The following KCNH8 variants were observed in gnomAD, a reference collection of about 807,000 sequenced individuals.
KCNH8 encodes voltage-gated delayed rectifier potassium channel KCNH8.
In KCNH8, 70 loss-of-function variants were observed where a neutral mutation model predicts 103.6. That is an observed-to-expected ratio of 0.68 (90% CI 0.56 to 0.82). KCNH8 has a LOEUF of 0.82. KCNH8 is among the 40% of genes least tolerant of loss of function. The pLI, the probability that KCNH8 is intolerant of heterozygous loss-of-function variation, is 0.00. For synonymous variants in KCNH8, 498 were observed against 489.4 expected (o/e 1.02, Z -0.23); for missense variants, 1,217 against 1,329.9 (o/e 0.92, Z 1.32).
intron 11 of KCNH8, among the ~76,000 whole-genome samples, chr3:19,490,329 A>C (rs2068291521): frequency 6.6e-6 from 1 of 152,196 alleles, no homozygotes; most frequent in South Asian, 2.1e-4. Context: ...TCACATCTCC[A>C]AAAACCGAGC....
At chr3:19,358,957 GA>G (rs1402900821) in intron 5 of KCNH8, among the ~76,000 whole-genome samples, 1 of 151,506 alleles carries the variant, frequency 6.6e-6, no homozygotes, top group Non-Finnish European at 1.5e-5. Context: ...AATCCACAAG[GA>G]AAAGGAAAGG....
At chr3:19,478,496 T>C (rs538828292) in intron 11 of KCNH8, among the ~76,000 whole-genome samples, 4 of 152,260 alleles carry the variant, frequency 2.6e-5, no homozygotes, top group Admixed American at 6.5e-5. Context: ...TGGTATCTCA[T>C]TGTGGTTTTA....
intron 7 of KCNH8, among the ~76,000 whole-genome samples, chr3:19,431,858 A>G (rs2067127491): frequency 6.6e-6 from 1 of 151,876 alleles, no homozygotes; most frequent in Non-Finnish European, 1.5e-5. Flanking sequence ...CACCCTTATA[A>G]TTTCTGATTA....
chr3:19,325,305 T>G (rs2125306331), intron 3 of KCNH8, among the ~76,000 whole-genome samples: 1 of 152,132 alleles, frequency 6.6e-6, no homozygotes, highest in Middle Eastern at 3.4e-3. Context: ...GATTTCATGA[T>G]GAAGACACGA....
chr3:19,493,292 G>A (rs953157725), intron 11 of KCNH8, among the ~76,000 whole-genome samples: 1 of 152,096 alleles, frequency 6.6e-6, no homozygotes, highest in South Asian at 2.1e-4. Flanking sequence ...ATCTTACATG[G>A]TTAGGCTTTG....
At chr3:19,503,423 A>G (rs913194915) in intron 11 of KCNH8, among the ~76,000 whole-genome samples, 10 of 152,132 alleles carry the variant, frequency 6.6e-5, no homozygotes, top group African/African-American at 2.2e-4. Context: ...CCATCCCATT[A>G]CTGGATATAT....
chr3:19,328,847 A>G (rs1043730004), intron 3 of KCNH8, among the ~76,000 whole-genome samples: 1 of 152,188 alleles, frequency 6.6e-6, no homozygotes, highest in African/African-American at 2.4e-5. Context: ...TATGCTTGCT[A>G]TGGATACAAT....
intron 11 of KCNH8, among the ~76,000 whole-genome samples, chr3:19,500,594 G>C (rs1001032458): frequency 1.1e-4 from 16 of 152,142 alleles, no homozygotes; most frequent in East Asian, 1.9e-4. Context: ...TCAGACCATA[G>C]TGCAATCAAA....
intron 11 of KCNH8, among the ~76,000 whole-genome samples, chr3:19,468,576 A>C (rs1180033825): frequency 6.6e-6 from 1 of 152,222 alleles, no homozygotes; most frequent in East Asian, 1.9e-4. Context: ...TTTAAGCTGA[A>C]TAATAGGGGA....
chr3:19,531,901 T>A (rs1017148912), intron 15 of KCNH8, among the ~76,000 whole-genome samples: 1 of 152,208 alleles, frequency 6.6e-6, no homozygotes, highest in African/African-American at 2.4e-5. Flanking sequence ...TGGTTCACGA[T>A]AGTAAAATAA....
chr3:19,480,844 T>C (rs1297642671), intron 11 of KCNH8, among the ~76,000 whole-genome samples: 1 of 152,208 alleles, frequency 6.6e-6, no homozygotes, highest in Non-Finnish European at 1.5e-5. Context: ...AACAATTATC[T>C]TTCCAATTTA....
At chr3:19,336,306 T>G (rs1280464004) in intron 3 of KCNH8, among the ~76,000 whole-genome samples, 1 of 151,738 alleles carries the variant, frequency 6.6e-6, no homozygotes, top group African/African-American at 2.4e-5. Flanking sequence ...CTAATTTCTC[T>G]TAATATAAAA....
At chr3:19,165,264 C>T (rs1290352015) in intron 1 of KCNH8, among the ~76,000 whole-genome samples, 3 of 152,174 alleles carry the variant, frequency 2.0e-5, no homozygotes, top group Non-Finnish European at 2.9e-5. Flanking sequence ...ACAGCAATTA[C>T]TTTCACACGA....
chr3:19,281,496 C>G (rs1360268567), intron 3 of KCNH8, among the ~76,000 whole-genome samples, 167 bp downstream of exon 3: 1 of 152,052 alleles, frequency 6.6e-6, no homozygotes, highest in Non-Finnish European at 1.5e-5. Context: ...GACTCACATG[C>G]ATTTACATTC....
chr3:19,378,674 A>G (rs2066245667), intron 5 of KCNH8, among the ~76,000 whole-genome samples: 1 of 152,228 alleles, frequency 6.6e-6, no homozygotes, highest in South Asian at 2.1e-4. Context: ...AACTGCAGGT[A>G]CCACAATCTA....
intron 11 of KCNH8, among the ~76,000 whole-genome samples, chr3:19,459,738 A>G (rs1252703718): frequency 1.3e-5 from 2 of 152,084 alleles, no homozygotes; most frequent in East Asian, 3.9e-4. Flanking sequence ...CAGTTCTTAC[A>G]TTTAAGTCTT....
At chr3:19,234,228 G>A (rs960725736) in intron 1 of KCNH8, among the ~76,000 whole-genome samples, 1 of 152,216 alleles carries the variant, frequency 6.6e-6, no homozygotes, top group Non-Finnish European at 1.5e-5. Flanking sequence ...TTCACTTAGT[G>A]GATCCCGCAC....
intron 7 of KCNH8, among the ~76,000 whole-genome samples, chr3:19,422,172 A>C (rs2066960787): frequency 6.6e-6 from 1 of 152,062 alleles, no homozygotes. Flanking sequence ...TTGCTATATG[A>C]TACTGATGTC....
intron 1 of KCNH8, among the ~76,000 whole-genome samples, chr3:19,198,254 G>A (rs1042735877): frequency 3.3e-5 from 5 of 152,086 alleles, no homozygotes; most frequent in African/African-American, 1.2e-4. Flanking sequence ...TTTATGTATA[G>A]GGACAGGATG....
Sources: gnomAD v4.1 joint callset for allele counts (sites outside exome capture counted in the v4.1 genomes callset) on GRCh38, gnomAD v4.1.1 for gene constraint, MANE v1.5 for transcripts, NCBI Gene and HGNC (gene_info 2026-07-23, HGNC 2026-07-21) for gene names.